Variants in SNRPA observed in about 807,000 individuals in gnomAD.
The protein encoded by SNRPA is U1 small nuclear ribonucleoprotein A.
SNRPA carries 10 observed loss-of-function variants against 24.5 expected under a neutral mutation model. That is an observed-to-expected ratio of 0.41 (90% confidence interval 0.25 to 0.69). The LOEUF (loss-of-function observed/expected upper bound fraction) is 0.69. SNRPA is among the 30% of genes least tolerant of loss of function. The pLI, the probability that SNRPA is intolerant of heterozygous loss-of-function variation, is 0.33. For synonymous variants in SNRPA, 165 were observed against 148.4 expected (o/e 1.11, Z -0.81); for missense variants, 283 against 394.7 (o/e 0.72, Z 2.40).
rs751086817 is a variant in SNRPA, at chr19:40,759,574, C to T, written c.390C>T (p.Ala130=). ...ATKKAVQGGG[A]TPVVGAVQGP... Reference sequence around the variant, plus strand: ...AGAAGGCTGTGCAAGGCGGGGGAGCCACCCCCGTGGTGGGGGCTGTCCAGG... The same window carrying T: ...AGAAGGCTGTGCAAGGCGGGGGAGCTACCCCCGTGGTGGGGGCTGTCCAGG... The change falls in exon 3 of 6, where the codon GCC becomes GCT. Residue 130 remains alanine, a synonymous_variant. Transcript: ENST00000243563. 22 of 1,613,372 alleles carry T rather than the reference C, an allele frequency of 1.4e-5. No individual in the cohort carries two copies. Among genetic ancestry groups the T allele is most frequent in the Non-Finnish European group, 1.8e-5 (21 of 1,179,854 alleles).
At chr19:40,763,354 A>T (rs2082941220) in intron 4 of SNRPA, 1 of 602,306 alleles carries the variant, frequency 1.7e-6, no homozygotes, top group African/African-American at 1.9e-5. Context: ...CCCGTTCTGC[A>T]CTGTAGGGCT....
chr19:40,753,395 T>G (rs1017054347), intron 1 of SNRPA, among the ~76,000 whole-genome samples: 3 of 111,558 alleles, frequency 2.7e-5, no homozygotes, highest in Non-Finnish European at 3.9e-5. Flanking sequence ...TTTTTTTTTT[T>G]TTTTTTTTTT....
Position 40,757,566 on chromosome 19 carries a change from C to G in SNRPA, c.246+62C>G. On this transcript the variant is annotated intron_variant, in intron 2 of 5. Transcript: ENST00000243563. ...AAAATGTTATAGGAGACTGGGCGGG[C>G]CTGGATTAGAGGAGGGGATATTACG... is the stretch of plus-strand genomic sequence containing the variant. The G allele has an allele frequency of 3.4e-6, 5 of 1,474,518 alleles. No homozygotes were observed. The South Asian group carries it at 6.5e-5, about 19-fold the overall frequency. 91.3% of individuals were successfully genotyped at this position (1,474,518 alleles called of 1,614,324 possible). A position where few individuals can be genotyped will look rare whatever the true frequency, so the allele number is the denominator to read the frequency against.
chr19:40,757,283 GCTT>G, intron 1 of SNRPA, 46 bp from the exon 2 acceptor site: 1 of 1,588,742 alleles, frequency 6.3e-7, no homozygotes. Flanking sequence ...TTTGGGCTGC[GCTT>G]CTTCTAAAAA....
intron 1 of SNRPA, among the ~76,000 whole-genome samples, chr19:40,752,333 G>A (rs185943522): frequency 6.6e-6 from 1 of 150,820 alleles, no homozygotes; most frequent in African/African-American, 2.4e-5. Context: ...GCGAAACTCC[G>A]TCTCAAAAAA....
rs144832566 is a variant in SNRPA at position 40,765,033 on chromosome 19, C to T, written c.715C>T (p.Leu239=). 3.2e-6 allele frequency: 5 copies of T among 1,585,622 alleles called. No homozygotes were observed. In the African/African-American group the frequency reaches 5.5e-5, roughly 17 times the overall value. ...NQFPGFKEVR[L]VPGRHDIAFV... Reference sequence around the variant, plus strand: ...GTTCCCTGGCTTCAAGGAGGTCCGTCTGGTACCCGGGCGGCATGACATCGC... The same window carrying T: ...GTTCCCTGGCTTCAAGGAGGTCCGTTTGGTACCCGGGCGGCATGACATCGC... Residue 239 remains leucine, a synonymous_variant, in exon 6 of 6, where the codon CTG becomes TTG. Coordinates refer to ENST00000243563, the MANE Select transcript of SNRPA (RefSeq NM_004596.5).
intron 2 of SNRPA, 59 bp downstream of exon 2, chr19:40,757,563 G>A (rs756260319): frequency 8.8e-5 from 131 of 1,488,986 alleles, no homozygotes; most frequent in Non-Finnish European, 1.1e-4. Context: ...GAGACTGGGC[G>A]GGCCTGGATT....
rs2082857225 is a variant in SNRPA, at chr19:40,751,306, A to G, written c.-103A>G. The stretch of plus-strand genomic sequence containing the variant: ...CCGCCTTACCTGACTTCCTTTTCGG[A>G]GGAAGATCCTTGAGCAGCCGACGTT... On this transcript the variant is annotated 5_prime_UTR_variant, in exon 1 of 6. Coordinates refer to ENST00000243563, the MANE Select transcript of SNRPA (RefSeq NM_004596.5). 1.4e-5 allele frequency: 12 copies of G among 871,100 alleles called. No individual in the cohort carries two copies. Among genetic ancestry groups the G allele is most frequent in the Non-Finnish European group, 2.2e-5 (11 of 508,042 alleles). 54.0% of individuals were successfully genotyped at this position (871,100 alleles called of 1,614,324 possible).
intron 1 of SNRPA, among the ~76,000 whole-genome samples, chr19:40,755,382 T>G (rs1479954396): frequency 6.6e-6 from 1 of 150,504 alleles, no homozygotes; most frequent in Non-Finnish European, 1.5e-5. Context: ...GCTGGAATTA[T>G]AGGCATGAGC....
intron 1 of SNRPA, among the ~76,000 whole-genome samples, chr19:40,753,225 C>T (rs1013894549): frequency 1.3e-5 from 2 of 151,256 alleles, no homozygotes; most frequent in Non-Finnish European, 3.0e-5. Flanking sequence ...TGTGGCGGTG[C>T]GCACCTACAG....
In SNRPA at chr19:40,759,464, A is replaced by T. The variant is rs767980536; in HGVS notation, c.280A>T (p.Ile94Phe). 4 of 1,613,556 alleles carry T rather than the reference A, an allele frequency of 2.5e-6. No homozygotes were observed. Among genetic ancestry groups the T allele is most frequent in the Non-Finnish European group, 3.4e-6 (4 of 1,179,912 alleles). The change falls in exon 3 of 6, where the codon ATT (isoleucine) becomes TTT (phenylalanine). Residue 94 changes from isoleucine to phenylalanine, a missense_variant. Ile to Phe is a conservative substitution (Grantham distance 21, BLOSUM62 0). This residue lies in a region of SNRPA where 167 missense variants were observed against 174.3 expected (regional missense o/e 0.96). Coordinates refer to ENST00000243563, the MANE Select transcript of SNRPA (RefSeq NM_004596.5). ...GTATGCCAAGACCGACTCAGATATC[A>T]TTGCCAAGATGAAAGGCACCTTCGT... The part of the protein sequence containing the change: ...IQYAKTDSDI[I>F]AKMKGTFVER...
chr19:40,751,451 A>G lies in SNRPA; in HGVS notation c.43A>G (p.Asn15Asp). 1 of 1,613,380 alleles carries G rather than the reference A, an allele frequency of 6.2e-7. No homozygotes were observed. Among genetic ancestry groups the G allele is most frequent in the Non-Finnish European group, 8.5e-7 (1 of 1,179,588 alleles). Residue 15 changes from asparagine (N) to aspartate (D), a missense_variant, in exon 1 of 6, where the codon AAC becomes GAC. By Grantham distance (23) the Asn-to-Asp change is conservative. Around this residue, in one of 6 missense-constraint regions of SNRPA, gnomAD observed 32 missense variants for 26.8 expected, o/e 1.19. Transcript: ENST00000243563. ...CCGCCCTAACCACACTATTTATATC[A>G]ACAACCTCAATGAGAAGATCAAGAA... ...ETRPNHTIYINNLNEKIKKDE... is the reference protein window; with the variant it reads ...ETRPNHTIYIDNLNEKIKKDE...
chr19:40,758,520 A>G (rs1176803702), intron 2 of SNRPA, among the ~76,000 whole-genome samples: 1 of 152,166 alleles, frequency 6.6e-6, no homozygotes. Context: ...TTGCTGTTCC[A>G]GCTTCCCTTA....
At chr19:40,751,724 A>G (rs1260950443) in intron 1 of SNRPA, among the ~76,000 whole-genome samples, 1 of 152,132 alleles carries the variant, frequency 6.6e-6, no homozygotes, top group East Asian at 1.9e-4. Context: ...TCCTCCAGGA[A>G]GCCTTGCCTT....
chr19:40,751,318 G>C lies in SNRPA; in HGVS notation c.-91G>C, dbSNP rs1599722270. 3 of 969,314 alleles carry C rather than the reference G, an allele frequency of 3.1e-6. No individual in the cohort carries two copies. Among genetic ancestry groups the C allele is most frequent in the Admixed American group, 1.7e-5 (1 of 58,634 alleles). 60.0% of individuals were successfully genotyped at this position (969,314 alleles called of 1,614,324 possible). ...ACTTCCTTTTCGGAGGAAGATCCTT[G>C]AGCAGCCGACGTTGGGACAAAGGAT... On this transcript the variant is annotated 5_prime_UTR_variant, in exon 1 of 6. Transcript: ENST00000243563.
chr19:40,755,849 G>A (rs1189343279), intron 1 of SNRPA, among the ~76,000 whole-genome samples: 2 of 152,176 alleles, frequency 1.3e-5, no homozygotes, highest in South Asian at 2.1e-4. Flanking sequence ...TCTGCCATAC[G>A]CTTCCTTATG....
chr19:40,762,996 C>A lies in SNRPA; in HGVS notation c.522C>A (p.Gly174=). ...MPPPGMIPPP[G]LAPGQIPPGA... is the part of the protein sequence containing the mutation. ...CCCCTGGTATGATCCCCCCGCCAGG[C>A]CTTGCACCTGGCCAGATCCCACCAG... The change falls in exon 4 of 6, where the codon GGC becomes GGA. Residue 174 remains glycine (G), a synonymous_variant. Coordinates refer to ENST00000243563, the MANE Select transcript of SNRPA (RefSeq NM_004596.5). 6.2e-7 allele frequency: 1 copy of A among 1,610,966 alleles called. No homozygotes were observed. The highest frequency in any genetic ancestry group is 8.5e-7 in the Non-Finnish European group (1 of 1,177,816).
At chr19:40,751,502 G>T in intron 1 of SNRPA, 21 bp downstream of exon 1, 1 of 1,576,470 alleles carries the variant, frequency 6.3e-7, no homozygotes, top group Non-Finnish European at 8.7e-7. Context: ...GGGATAGTCC[G>T]GAGTCCAGAC....
At chr19:40,761,761 C>T (rs2082933928) in intron 3 of SNRPA, among the ~76,000 whole-genome samples, 1 of 152,030 alleles carries the variant, frequency 6.6e-6, no homozygotes. Flanking sequence ...GCCACTGCAC[C>T]CGGCCCTCAC....
Sources: gnomAD v4.1 joint callset for allele counts (sites outside exome capture counted in the v4.1 genomes callset) on GRCh38, gnomAD v4.1.1 for gene constraint, gnomAD v4.1.1 regional missense constraint, MANE v1.5 for transcripts, NCBI Gene and HGNC (gene_info 2026-07-23, HGNC 2026-07-21) for gene names.